METTL21A: variants seen among roughly 807,000 people sequenced by gnomAD.
METTL21A encodes the protein protein N-lysine methyltransferase METTL21A.
In METTL21A, 22 loss-of-function variants were observed where a neutral mutation model predicts 20.9. That is an observed-to-expected ratio of 1.05 (90% CI 0.75 to 1.50). The LOEUF (loss-of-function observed/expected upper bound fraction) is 1.50. Among genes scored for constraint, METTL21A ranks in the 40% most tolerant of loss-of-function variants. The pLI is 0.00. For missense variants in METTL21A, 271 were observed against 266.8 expected (o/e 1.02, Z -0.11); for synonymous variants, 93 against 102.0 (o/e 0.91, Z 0.53).
intron 3 of METTL21A, chr2:207,596,806 A>G (rs2086262765): frequency 8.0e-7 from 1 of 1,246,722 alleles, no homozygotes; most frequent in African/African-American, 1.6e-5. Context: ...ATATACTAAA[A>G]TGTTGGTTGC....
chr2:207,607,174 G>T (rs992017976), downstream of METTL21A, among the ~76,000 whole-genome samples: 6 of 152,080 alleles, frequency 3.9e-5, no homozygotes, highest in African/African-American at 9.7e-5. Flanking sequence ...CGATCACGAG[G>T]TCAAGAGTTC....
At chr2:207,589,005 A>G (rs1057139390) in intron 3 of METTL21A, among the ~76,000 whole-genome samples, 4 of 151,972 alleles carry the variant, frequency 2.6e-5, no homozygotes, top group South Asian at 2.1e-4. Context: ...CCTTATTGCA[A>G]TGTCTAGGAC....
chr2:207,591,178 C>G (rs955410638), intron 3 of METTL21A, among the ~76,000 whole-genome samples: 39 of 152,142 alleles, frequency 2.6e-4, no homozygotes, highest in African/African-American at 9.4e-4. Context: ...TCTGTCATCT[C>G]TGAGACTCTA....
chr2:207,603,528 A>AT (rs1453543288), intron 3 of METTL21A: 1 of 224,284 alleles, frequency 4.5e-6, no homozygotes, highest in Non-Finnish European at 8.9e-6. Flanking sequence ...AAGTTACAAT[A>AT]TATTACAAGC....
At chr2:207,618,710 AAAC>A (rs1262469247) in intron 3 of METTL21A, among the ~76,000 whole-genome samples, 13 of 152,050 alleles carry the variant, frequency 8.5e-5, no homozygotes, top group Non-Finnish European at 1.8e-4. Flanking sequence ...TCCATCTCAA[AAAC>A]AACAACAACA....
rs146008919 is a variant in METTL21A at position 207,592,911 on chromosome 2, C to CAAAAAAGAA, written c.260-10760_260-10752dup. Among the ~76,000 whole-genome samples, 862 of 145,198 alleles carry CAAAAAAGAA rather than the reference C, an allele frequency of 5.9e-3. 3 individuals carry two copies. Among genetic ancestry groups the CAAAAAAGAA allele is most frequent in the African/African-American group, 0.02 (800 of 39,274 alleles). On this transcript the variant is annotated intron_variant, in intron 3 of 3. Coordinates refer to the METTL21A transcript ENST00000425132. ...CTGGCGACAGAGCAAGACTCCATCT[C>CAAAAAAGAA]AAAAAAGAAAAGAAAATTCTCAGAT...
chr2:207,597,193 A>G, intron 3 of METTL21A: 1 of 910,984 alleles, frequency 1.1e-6, no homozygotes, highest in Non-Finnish European at 1.6e-6. Flanking sequence ...GCAACTACAG[A>G]ATTTCATTCA....
chr2:207,599,609 C>G (rs560358925), intron 3 of METTL21A: 2 of 199,508 alleles, frequency 1.0e-5, no homozygotes, highest in Admixed American at 6.0e-5. Context: ...GAAATGTATC[C>G]TGTTGCTAAA....
intron 2 of METTL21A, 114 bp from the exon 3 acceptor site, chr2:207,622,031 TAAC>T (rs1449397111): frequency 6.0e-6 from 5 of 837,124 alleles, no homozygotes; most frequent in Admixed American, 2.0e-5. Context: ...ATTCCCAGCT[TAAC>T]AACACACACA....
At chr2:207,604,151 G>A (rs1166083921), downstream of METTL21A, among the ~76,000 whole-genome samples, 4 of 152,200 alleles carry the variant, frequency 2.6e-5, no homozygotes, top group African/African-American at 4.8e-5. Context: ...ACGTTCAGGT[G>A]CTTGGACCTT....
At chr2:207,621,762 C>T (rs747375630) in intron 3 of METTL21A, 44 bp downstream of exon 3, 1 of 1,523,426 alleles carries the variant, frequency 6.6e-7, no homozygotes, top group Non-Finnish European at 9.1e-7. Flanking sequence ...AAATGCACCT[C>T]TCAATGAGTT....
chr2:207,622,200 CATCT>C (rs1356471698), intron 2 of METTL21A, among the ~76,000 whole-genome samples: 2 of 145,566 alleles, frequency 1.4e-5, no homozygotes, highest in African/African-American at 5.1e-5. Context: ...AGTCTCAGTC[CATCT>C]GTCACCCAGG....
intron 3 of METTL21A, among the ~76,000 whole-genome samples, chr2:207,585,625 T>C (rs1288109931): frequency 6.6e-6 from 1 of 152,110 alleles, no homozygotes; most frequent in African/African-American, 2.4e-5. Flanking sequence ...TTGAAAATAA[T>C]GATCTTAAGA....
intron 3 of METTL21A, among the ~76,000 whole-genome samples, chr2:207,594,934 A>T (rs974803243): frequency 6.8e-6 from 1 of 146,856 alleles, no homozygotes; most frequent in African/African-American, 2.5e-5. Context: ...AATGGTTGTG[A>T]GGTGATACCT....
chr2:207,621,349 C>T (rs1169512247), intron 3 of METTL21A, among the ~76,000 whole-genome samples: 1 of 152,166 alleles, frequency 6.6e-6, no homozygotes, highest in African/African-American at 2.4e-5. Flanking sequence ...GCCCTCCCTA[C>T]AAGAGAAAAA....
At chr2:207,602,660 T>G (rs1410157290) in intron 3 of METTL21A, 2 of 210,586 alleles carry the variant, frequency 9.5e-6, no homozygotes, top group Non-Finnish European at 1.9e-5. Flanking sequence ...TTGGGAGGTT[T>G]TATTTTCTTA....
At position 207,599,417 on chromosome 2, in the gene METTL21A, C is replaced by T. The variant is rs577489471; in HGVS notation, c.260-17257G>A. The T allele has an allele frequency of 3.5e-5, 7 of 201,520 alleles. No individual in the cohort carries two copies. In the East Asian group the frequency reaches 5.4e-4, roughly 16 times the overall value. The allele number at this position is 201,520 out of a possible 1,614,324, so 12.5% of individuals were successfully genotyped here. ...GTTTAGCAGTTTGTATTCTCTAAAG[C>T]TTTTTTTCAAAAGTTCAGGCTTTCT... On this transcript the variant is annotated intron_variant, in intron 3 of 3. Transcript: ENST00000425132.
At chr2:207,607,622 A>C (rs1247549441), downstream of METTL21A, among the ~76,000 whole-genome samples, 1 of 81,248 alleles carries the variant, frequency 1.2e-5, no homozygotes, top group East Asian at 4.4e-4. Flanking sequence ...CTACCCTTTA[A>C]GTGATAATCT....
At chr2:207,623,625 G>A (rs2090772600) in intron 2 of METTL21A, among the ~76,000 whole-genome samples, 1 of 152,222 alleles carries the variant, frequency 6.6e-6, no homozygotes, top group Non-Finnish European at 1.5e-5. Flanking sequence ...GCTGAGGCAG[G>A]TGGATCACTT....
Sources: gnomAD v4.1 joint callset for allele counts (sites outside exome capture counted in the v4.1 genomes callset) on GRCh38, gnomAD v4.1.1 for gene constraint, MANE v1.5 for transcripts, NCBI Gene and HGNC (gene_info 2026-07-23, HGNC 2026-07-21) for gene names.